The following CNTNAP2 variants were observed in gnomAD, a reference collection of about 807,000 sequenced individuals.
The protein encoded by CNTNAP2 is contactin-associated protein-like 2.
A neutral mutation model predicts 155.2 loss-of-function variants in CNTNAP2; 98 were observed. The ratio of observed to expected loss-of-function variants is 0.63; its 90% CI spans 0.54 to 0.75. The LOEUF (loss-of-function observed/expected upper bound fraction) is 0.75. Among genes scored for constraint, CNTNAP2 ranks in the 30% least tolerant of loss-of-function variants. CNTNAP2 has a pLI of 0.00. For synonymous variants in CNTNAP2, 651 were observed against 631.2 expected, an observed-to-expected ratio of 1.03 and a Z score of -0.47; for missense variants, 1,727 against 1,688.1, an observed-to-expected ratio of 1.02 and a Z score of -0.40.
chr7:147,445,776 CTT>C (rs1797724731), intron 10 of CNTNAP2, among the ~76,000 whole-genome samples: 1 of 152,052 alleles, frequency 6.6e-6, no homozygotes, highest in Admixed American at 6.6e-5. Flanking sequence ...TTCTTTCTCT[CTT>C]TTTCTTCTTT....
At chr7:148,028,014 A>T (rs1437515116) in intron 15 of CNTNAP2, among the ~76,000 whole-genome samples, 1 of 152,218 alleles carries the variant, frequency 6.6e-6, no homozygotes, top group Non-Finnish European at 1.5e-5. Flanking sequence ...ACACTATTTT[A>T]AAAATGTAGC....
intron 12 of CNTNAP2, among the ~76,000 whole-genome samples, chr7:147,593,032 T>G (rs1485524585): frequency 6.6e-6 from 1 of 152,170 alleles, no homozygotes; most frequent in African/African-American, 2.4e-5. Flanking sequence ...TAAAATTACA[T>G]CACACCGAAT....
chr7:148,043,304 C>T (rs189453829), intron 15 of CNTNAP2, among the ~76,000 whole-genome samples: 28 of 152,318 alleles, frequency 1.8e-4, no homozygotes, highest in African/African-American at 6.0e-4. Flanking sequence ...AAATCATGTG[C>T]TGTGATCAAG....
At chr7:147,421,848 C>A (rs1010263587) in intron 10 of CNTNAP2, among the ~76,000 whole-genome samples, 1 of 151,766 alleles carries the variant, frequency 6.6e-6, no homozygotes, top group African/African-American at 2.4e-5. Flanking sequence ...TGGCACTGCC[C>A]CCTCAACTCT....
rs1015702044 is a variant in CNTNAP2 at position 147,396,191 on chromosome 7, A to G, written c.1670+411A>G. On this transcript the variant is annotated intron_variant, in intron 10 of 23. Coordinates refer to ENST00000361727, the MANE Select transcript of CNTNAP2 (RefSeq NM_014141.6). ...TCATATATATATATAGCATATATAT[A>G]TATATATGTGATAAAACACACTGTG... Among the ~76,000 whole-genome samples the G allele has an allele frequency of 8.8e-5, 13 of 148,102 alleles. 1 individual carries two copies. Among genetic ancestry groups the G allele is most frequent in the African/African-American group, 3.2e-4 (13 of 40,764 alleles).
At chr7:146,860,801 A>AATATGTATACC (rs1467797987) in intron 3 of CNTNAP2, among the ~76,000 whole-genome samples, 1 of 152,102 alleles carries the variant, frequency 6.6e-6, no homozygotes, top group Middle Eastern at 3.2e-3. Flanking sequence ...AAGCTGTTAA[A>AATATGTATACC]ATATGTATAC....
At chr7:148,137,734 A>T (rs74532295) in intron 16 of CNTNAP2, among the ~76,000 whole-genome samples, 3,758 of 141,388 alleles carry the variant, frequency 0.027, 62 homozygotes, top group Middle Eastern at 0.051. Context: ...GGAAGGAAGG[A>T]AGGTTCTCCT....
In CNTNAP2 at chr7:148,264,973, G is replaced by A. The variant is rs1369887596; in HGVS notation, c.3382-2060G>A. On this transcript the variant is annotated intron_variant, in intron 20 of 23. Transcript: ENST00000361727. ...CTCCCAAAGTGTTGGGATTACAGGC[G>A]TAAGCCACTGCCCTGATCACAAATT... Among the ~76,000 whole-genome samples, 8 of 152,330 alleles carry A rather than the reference G, an allele frequency of 5.3e-5. No individual in the cohort carries two copies. In the East Asian group the frequency reaches 5.8e-4, roughly 11 times the overall value.
At chr7:148,244,689 A>C (rs1410174585) in intron 20 of CNTNAP2, among the ~76,000 whole-genome samples, 1 of 151,188 alleles carries the variant, frequency 6.6e-6, no homozygotes, top group Non-Finnish European at 1.5e-5. Context: ...CAGCCTCCCG[A>C]GTAGCTGGGA....
At chr7:147,166,520 G>A (rs1292140605) in intron 8 of CNTNAP2, among the ~76,000 whole-genome samples, 2 of 152,062 alleles carry the variant, frequency 1.3e-5, no homozygotes, top group African/African-American at 4.8e-5. Flanking sequence ...AATACCAGCT[G>A]TTCCCCAAAA....
At chr7:146,652,754 A>G (rs1799938539) in intron 1 of CNTNAP2, among the ~76,000 whole-genome samples, 2 of 152,184 alleles carry the variant, frequency 1.3e-5, no homozygotes, top group African/African-American at 4.8e-5. Context: ...GTGTAGAATT[A>G]CAATAAAGTA....
chr7:147,234,339 T>TTG (rs1803752495), intron 8 of CNTNAP2, among the ~76,000 whole-genome samples: 1 of 143,800 alleles, frequency 7.0e-6, no homozygotes, highest in Admixed American at 6.9e-5. Flanking sequence ...GTATTCTTTT[T>TTG]TTTTTTTTTT....
intron 14 of CNTNAP2, among the ~76,000 whole-genome samples, chr7:147,909,601 G>A (rs796091852): frequency 1.3e-5 from 2 of 152,258 alleles, no homozygotes; most frequent in African/African-American, 4.8e-5. Flanking sequence ...ACTATTCACA[G>A]CAATAGTAAA....
intron 9 of CNTNAP2, among the ~76,000 whole-genome samples, chr7:147,337,281 T>C (rs1795680792): frequency 6.6e-6 from 1 of 152,008 alleles, no homozygotes; most frequent in Non-Finnish European, 1.5e-5. Flanking sequence ...TCTGTGCATA[T>C]TCTGTGTTGC....
chr7:146,474,182 G>GGTC (rs1796839849), intron 1 of CNTNAP2, among the ~76,000 whole-genome samples: 2 of 151,386 alleles, frequency 1.3e-5, no homozygotes, highest in South Asian at 4.2e-4. Flanking sequence ...CTTCTGTGTA[G>GGTC]ATATTATTTC....
At chr7:146,831,032 A>C (rs1803500419) in intron 2 of CNTNAP2, among the ~76,000 whole-genome samples, 1 of 152,188 alleles carries the variant, frequency 6.6e-6, no homozygotes, top group South Asian at 2.1e-4. Context: ...GCAATAATTA[A>C]AATTGAAGAT....
intron 3 of CNTNAP2, among the ~76,000 whole-genome samples, chr7:147,023,953 A>AT (rs1798857948): frequency 6.6e-6 from 1 of 152,140 alleles, no homozygotes; most frequent in South Asian, 2.1e-4. Flanking sequence ...TCCTCTCTTT[A>AT]TTTCCCGAAT....
intron 9 of CNTNAP2, among the ~76,000 whole-genome samples, chr7:147,310,668 T>A (rs2116794153): frequency 6.6e-6 from 1 of 152,302 alleles, no homozygotes; most frequent in East Asian, 1.9e-4. Context: ...GATTTTATTG[T>A]GCTTTAACAA....
chr7:146,549,513 G>A (rs922098533), intron 1 of CNTNAP2, among the ~76,000 whole-genome samples: 2 of 151,952 alleles, frequency 1.3e-5, no homozygotes, highest in Non-Finnish European at 2.9e-5. Flanking sequence ...AATAGTTTAG[G>A]CTAAGTCACT....
Sources: gnomAD v4.1 joint callset for allele counts (sites outside exome capture counted in the v4.1 genomes callset) on GRCh38, gnomAD v4.1.1 for gene constraint, MANE v1.5 for transcripts, NCBI Gene and HGNC (gene_info 2026-07-23, HGNC 2026-07-21) for gene names.